SLC35F4: variants seen among roughly 807,000 people sequenced by gnomAD.
SLC35F4 encodes solute carrier family 35 member F4.
Under a neutral mutation model 44.2 loss-of-function variants are expected in SLC35F4, and 24 were observed. The ratio of observed to expected loss-of-function variants is 0.54; its 90% confidence interval spans 0.39 to 0.76. The LOEUF (loss-of-function observed/expected upper bound fraction) is 0.76, where lower values mean the gene tolerates loss of function less well. Ranked by LOEUF, SLC35F4 falls within the 30% of genes least tolerant of loss-of-function variation. The pLI is 0.00. For missense variants in SLC35F4, 562 were observed against 586.1 expected (o/e 0.96, Z 0.42); for synonymous variants, 238 against 223.6 (o/e 1.06, Z -0.57).
intron 4 of SLC35F4, among the ~76,000 whole-genome samples, chr14:57,575,744 G>C (rs1249439658): frequency 6.6e-6 from 1 of 152,126 alleles, no homozygotes; most frequent in South Asian, 2.1e-4. Flanking sequence ...TCTGCAGGCT[G>C]GGGCCCTCAG....
chr14:57,678,468 G>C (rs1447668148), intron 1 of SLC35F4, among the ~76,000 whole-genome samples: 1 of 151,928 alleles, frequency 6.6e-6, no homozygotes, highest in East Asian at 1.9e-4. Flanking sequence ...TAACTAACAA[G>C]CAAAATAACC....
chr14:57,644,902 G>T (rs570687007), intron 1 of SLC35F4, among the ~76,000 whole-genome samples: 3 of 152,172 alleles, frequency 2.0e-5, no homozygotes, highest in African/African-American at 7.2e-5. Flanking sequence ...GCTTGTTTTT[G>T]TCAGGTTTGT....
At chr14:57,631,399 T>C (rs777786022) in intron 1 of SLC35F4, among the ~76,000 whole-genome samples, 78 of 152,094 alleles carry the variant, frequency 5.1e-4, no homozygotes, top group Non-Finnish European at 8.8e-5. Flanking sequence ...TGTTCTTATA[T>C]AGTTATTATA....
intron 1 of SLC35F4, chr14:57,799,378 C>G (rs1409952109): frequency 6.6e-6 from 1 of 152,176 alleles, no homozygotes; most frequent in Admixed American, 6.5e-5. Flanking sequence ...GCAGAGCAGA[C>G]ACTCAAGCAT....
intron 1 of SLC35F4, among the ~76,000 whole-genome samples, chr14:57,705,801 A>T (rs2075658033): frequency 6.6e-6 from 1 of 152,170 alleles, no homozygotes; most frequent in South Asian, 2.1e-4. Context: ...CTTTGACTGC[A>T]TCTGTTTCCT....
At chr14:57,618,178 T>A (rs60416326) in intron 1 of SLC35F4, among the ~76,000 whole-genome samples, 24,869 of 152,198 alleles carry the variant, frequency 0.16, 2,092 homozygotes, top group Middle Eastern at 0.21. Context: ...GATTTTAAAA[T>A]AAAATGTGAA....
At chr14:57,902,674 A>G (rs1368761305) in intron 1 of SLC35F4, among the ~76,000 whole-genome samples, 2 of 152,214 alleles carry the variant, frequency 1.3e-5, no homozygotes, top group African/African-American at 2.4e-5. Context: ...AAATATTCAT[A>G]GCACCATTAA....
At chr14:57,971,730 G>A (rs1881059403) in intron 1 of SLC35F4, among the ~76,000 whole-genome samples, 1 of 152,192 alleles carries the variant, frequency 6.6e-6, no homozygotes, top group African/African-American at 2.4e-5. Flanking sequence ...TGGTTGCCAG[G>A]GCTAAGGGGT....
At chr14:57,758,041 GTT>G (rs1491509203) in intron 1 of SLC35F4, among the ~76,000 whole-genome samples, 1 of 148,262 alleles carries the variant, frequency 6.7e-6, no homozygotes, top group East Asian at 1.9e-4. Flanking sequence ...GTGTGTGTGT[GTT>G]ATTTTAATAC....
At chr14:57,770,236 C>T (rs1047527544) in intron 1 of SLC35F4, among the ~76,000 whole-genome samples, 9 of 152,168 alleles carry the variant, frequency 5.9e-5, no homozygotes, top group South Asian at 2.1e-4. Context: ...ACCGAGGTCA[C>T]GGGGCTCTTC....
chr14:57,668,178 G>A (rs1388010879), intron 1 of SLC35F4, among the ~76,000 whole-genome samples: 1 of 150,738 alleles, frequency 6.6e-6, no homozygotes. Context: ...TTTTGATGGG[G>A]TTGTTTTTTT....
At chr14:57,577,106 C>G (rs2068843401) in intron 4 of SLC35F4, among the ~76,000 whole-genome samples, 1 of 152,096 alleles carries the variant, frequency 6.6e-6, no homozygotes, top group Non-Finnish European at 1.5e-5. Context: ...AAAGAGGAGC[C>G]AAAGGCAAGA....
intron 1 of SLC35F4, among the ~76,000 whole-genome samples, chr14:57,689,943 A>G (rs1316489212): frequency 6.6e-6 from 1 of 152,196 alleles, no homozygotes; most frequent in Non-Finnish European, 1.5e-5. Flanking sequence ...TTAGCATGTA[A>G]CCACTTTGTC....
intron 1 of SLC35F4, among the ~76,000 whole-genome samples, chr14:57,935,389 T>C (rs1889777910): frequency 6.6e-6 from 1 of 152,174 alleles, no homozygotes; most frequent in Non-Finnish European, 1.5e-5. Context: ...CATGGGTGTG[T>C]TGGTGCCTAA....
At chr14:57,967,742 T>C (rs546714472) in intron 1 of SLC35F4, among the ~76,000 whole-genome samples, 1 of 152,170 alleles carries the variant, frequency 6.6e-6, no homozygotes, top group African/African-American at 2.4e-5. Context: ...AGTTAAAAAT[T>C]ATAAACCTCA....
chr14:57,740,840 C>T (rs1253307261), intron 1 of SLC35F4, among the ~76,000 whole-genome samples: 1 of 152,186 alleles, frequency 6.6e-6, no homozygotes, highest in Admixed American at 6.5e-5. Flanking sequence ...CAAGTGGGTT[C>T]CTGACCCCCA....
At chr14:57,761,206 T>C (rs1236352371) in intron 1 of SLC35F4, among the ~76,000 whole-genome samples, 3 of 152,198 alleles carry the variant, frequency 2.0e-5, no homozygotes, top group Non-Finnish European at 4.4e-5. Context: ...ATATATTTTA[T>C]CCAATTTTTA....
Position 57,788,833 on chromosome 14 carries a change from A to G in SLC35F4, c.103+76890T>C, listed in dbSNP as rs376267855. Among the ~76,000 whole-genome samples, 286 of 152,310 alleles carry G rather than the reference A, an allele frequency of 1.9e-3. 3 individuals are homozygous for G. The highest frequency in any genetic ancestry group is 6.5e-3 in the African/African-American group (272 of 41,560). ...AGTCTGTCAGACCACAGTGTAATCA[A>G]ATTAGAACTCAGGATCCAGAAACTC... On this transcript the variant is annotated intron_variant, in intron 1 of 7. Coordinates refer to ENST00000556826, the MANE Select transcript of SLC35F4 (RefSeq NM_001306087.2).
chr14:57,670,866 T>A (rs1218484062), intron 1 of SLC35F4, among the ~76,000 whole-genome samples: 1 of 151,180 alleles, frequency 6.6e-6, no homozygotes, highest in Non-Finnish European at 1.5e-5. Context: ...ACAGAAGCTA[T>A]AGAGGACACT....
Sources: gnomAD v4.1 joint callset for allele counts (sites outside exome capture counted in the v4.1 genomes callset) on GRCh38, gnomAD v4.1.1 for gene constraint, MANE v1.5 for transcripts, NCBI Gene and HGNC (gene_info 2026-07-23, HGNC 2026-07-21) for gene names.